The following STX7 variants were observed in gnomAD, a reference collection of about 807,000 sequenced individuals.
STX7 encodes syntaxin-7.
Under a neutral mutation model 39.6 loss-of-function variants are expected in STX7, and 34 were observed. The ratio of observed to expected loss-of-function variants is 0.86; its 90% CI spans 0.65 to 1.14. The LOEUF (loss-of-function observed/expected upper bound fraction) is 1.14. Ranked by LOEUF, STX7 falls within the 50% of genes most tolerant of loss-of-function variation. The probability of loss-of-function intolerance (pLI) is 0.00; values close to 1 mark genes in which losing one functional copy is unlikely to be tolerated. For synonymous variants in STX7, 119 were observed against 99.1 expected (o/e 1.20, Z -1.19); for missense variants, 284 against 310.4 (o/e 0.92, Z 0.64).
intron 2 of STX7, among the ~76,000 whole-genome samples, chr6:132,476,136 C>T (rs1416391): frequency 0.27 from 40,619 of 151,974 alleles, 6,301 homozygotes; most frequent in African/African-American, 0.44. Flanking sequence ...TCAAAAAATG[C>T]TAAAATCACA....
chr6:132,481,236 T>G (rs1056063152), intron 2 of STX7, among the ~76,000 whole-genome samples: 1 of 152,194 alleles, frequency 6.6e-6, no homozygotes, highest in Non-Finnish European at 1.5e-5. Flanking sequence ...GAAATTTATT[T>G]TGGGCCACCT....
intron 2 of STX7, among the ~76,000 whole-genome samples, chr6:132,489,636 C>G (rs935045036): frequency 1.1e-4 from 16 of 152,188 alleles, no homozygotes; most frequent in African/African-American, 3.9e-4. Flanking sequence ...GAAGGATCTT[C>G]TAAAGGATGA....
intron 2 of STX7, among the ~76,000 whole-genome samples, chr6:132,494,749 G>A (rs983774625): frequency 6.6e-6 from 1 of 152,174 alleles, no homozygotes; most frequent in African/African-American, 2.4e-5. Context: ...GTGGGGCATG[G>A]TGGGGATTTA....
chr6:132,484,432 A>G (rs1775081392), intron 2 of STX7, among the ~76,000 whole-genome samples: 1 of 152,184 alleles, frequency 6.6e-6, no homozygotes, highest in Admixed American at 6.5e-5. Flanking sequence ...ATCAGGGGCT[A>G]TTAATACATA....
At position 132,454,632 on chromosome 6, in the gene STX7, T is replaced by C. The variant is rs190703017; in HGVS notation, c.*6126A>G. On this transcript the variant is annotated 3_prime_UTR_variant, in exon 10 of 10. Coordinates refer to ENST00000367941, the MANE Select transcript of STX7 (RefSeq NM_003569.3). ...AAAGTATTGGTCACATACTCCATTC[T>C]AGATTTAAAGAAAATTTAAAACAAC... 2.6e-5 allele frequency: 4 copies of C among 152,328 alleles called. No homozygotes were observed. The East Asian group carries it at 7.7e-4, about 29-fold the overall frequency. The allele number at this position is 152,328 out of a possible 1,614,324, so 9.4% of individuals were successfully genotyped here. A position where few individuals can be genotyped will look rare whatever the true frequency, so the allele number is the denominator to read the frequency against.
chr6:132,496,629 G>A (rs947461425), intron 2 of STX7, among the ~76,000 whole-genome samples: 23 of 151,976 alleles, frequency 1.5e-4, no homozygotes, highest in African/African-American at 5.1e-4. Flanking sequence ...GAAGAGTTTC[G>A]GGACTCTTAA....
chr6:132,509,429 C>T (rs940435657), intron 1 of STX7, among the ~76,000 whole-genome samples: 3 of 143,796 alleles, frequency 2.1e-5, no homozygotes, highest in Admixed American at 7.0e-5. Flanking sequence ...TCCAGCCCGG[C>T]GACAGAGCGA....
At chr6:132,461,207 C>T (rs1031921762) in intron 9 of STX7, among the ~76,000 whole-genome samples, 2 of 152,096 alleles carry the variant, frequency 1.3e-5, no homozygotes, top group Non-Finnish European at 2.9e-5. Flanking sequence ...GAACAGCTTA[C>T]GAGCTTAAAC....
At chr6:132,485,168 C>T (rs1478337930) in intron 2 of STX7, among the ~76,000 whole-genome samples, 1 of 152,134 alleles carries the variant, frequency 6.6e-6, no homozygotes, top group African/African-American at 2.4e-5. Flanking sequence ...TTTGCAATTT[C>T]CTCCCTCCTG....
chr6:132,478,315 T>C (rs966933247), intron 2 of STX7, among the ~76,000 whole-genome samples: 2 of 152,304 alleles, frequency 1.3e-5, no homozygotes, highest in South Asian at 4.1e-4. Flanking sequence ...ACATGAATGC[T>C]ATATAAAATT....
chr6:132,469,752 T>A (rs368983246), intron 7 of STX7, among the ~76,000 whole-genome samples, 199 bp downstream of exon 7: 2 of 152,136 alleles, frequency 1.3e-5, no homozygotes, highest in South Asian at 4.1e-4. Flanking sequence ...GGCACAAGAA[T>A]CGCTTGAAGC....
rs1290433990 is a variant in STX7, at chr6:132,456,929, A to T, written c.*3829T>A. On this transcript the variant is annotated 3_prime_UTR_variant, in exon 10 of 10. Transcript: ENST00000367941. ...TTCCTCAGAGGCCACTGCAGACAGA[A>T]GTGTAGGCGGGCAGAGGACATGAGT... The T allele has an allele frequency of 1.3e-5, 2 of 152,328 alleles. No individual in the cohort carries two copies. The highest frequency in any genetic ancestry group is 2.9e-5 in the Non-Finnish European group (2 of 68,094). 9.4% of individuals were successfully genotyped at this position (152,328 alleles called of 1,614,324 possible).
At position 132,476,407 on chromosome 6, in the gene STX7, G is replaced by A. The variant is rs542565772; in HGVS notation, c.86-745C>T. On this transcript the variant is annotated intron_variant, in intron 2 of 9. Coordinates refer to ENST00000367941, the MANE Select transcript of STX7 (RefSeq NM_003569.3). ...CAGTCTAGACTGTGGGACAATCTAC[G>A]AGATAACTTGCCTGGGCATTTAAAG... is the stretch of plus-strand genomic sequence containing the variant. Among the ~76,000 whole-genome samples the A allele has an allele frequency of 6.6e-5, 10 of 152,032 alleles. 1 individual carries two copies. Among genetic ancestry groups the A allele is most frequent in the South Asian group, 2.1e-4 (1 of 4,822 alleles).
intron 9 of STX7, among the ~76,000 whole-genome samples, chr6:132,462,582 G>GGTGTGTGTGTGTGTGTGTGTGTGT (rs71952617): frequency 6.2e-5 from 9 of 144,996 alleles, no homozygotes; most frequent in African/African-American, 1.8e-4. Context: ...CATTTGCAGG[G>GGTGTGTGTGTGTGTGTGTGTGTGT]GTGTGTGTGT....
chr6:132,455,820 T>G lies in STX7; in HGVS notation c.*4938A>C, dbSNP rs1774228937. ...TAAAATTGGTGTATTGATATGGTAT[T>G]TGAATAATGAGAAAATGGGCCAATA... On this transcript the variant is annotated 3_prime_UTR_variant, in exon 10 of 10. Transcript: ENST00000367941. 2 of 152,248 alleles carry G rather than the reference T, an allele frequency of 1.3e-5. No homozygotes were observed. Among genetic ancestry groups the G allele is most frequent in the Non-Finnish European group, 2.9e-5 (2 of 68,034 alleles). 9.4% of individuals were successfully genotyped at this position (152,248 alleles called of 1,614,324 possible). A position where few individuals can be genotyped will look rare whatever the true frequency, so the allele number is the denominator to read the frequency against.
chr6:132,482,947 T>C (rs999247772), intron 2 of STX7, among the ~76,000 whole-genome samples: 1 of 151,960 alleles, frequency 6.6e-6, no homozygotes, highest in African/African-American at 2.4e-5. Flanking sequence ...CTAAGAACTG[T>C]TGCTACAGTT....
rs897292779 is a variant in STX7 at position 132,459,750 on chromosome 6, C to T, written c.*1008G>A. 3 of 152,024 alleles carry T rather than the reference C, an allele frequency of 2.0e-5. No homozygotes were observed. Among genetic ancestry groups the T allele is most frequent in the Admixed American group, 1.3e-4 (2 of 15,268 alleles). The allele number at this position is 152,024 out of a possible 1,614,324, so 9.4% of individuals were successfully genotyped here. ...AAGGGAAGTGAGATAACTGGCAAAC[C>T]TCCAATTGCTTTTTTAATGAAGGAT... On this transcript the variant is annotated 3_prime_UTR_variant, in exon 10 of 10. Coordinates refer to ENST00000367941, the MANE Select transcript of STX7 (RefSeq NM_003569.3).
At chr6:132,491,208 G>A (rs1464714799) in intron 2 of STX7, among the ~76,000 whole-genome samples, 5 of 151,566 alleles carry the variant, frequency 3.3e-5, no homozygotes, top group Admixed American at 2.0e-4. Context: ...CTCACAGCAG[G>A]AGAACATGTT....
intron 2 of STX7, among the ~76,000 whole-genome samples, chr6:132,477,699 C>T (rs549084983): frequency 6.6e-6 from 1 of 152,062 alleles, no homozygotes; most frequent in South Asian, 2.1e-4. Context: ...AATTTGACTA[C>T]ATAAAATAAC....
Sources: gnomAD v4.1 joint callset for allele counts (sites outside exome capture counted in the v4.1 genomes callset) on GRCh38, gnomAD v4.1.1 for gene constraint, MANE v1.5 for transcripts, NCBI Gene and HGNC (gene_info 2026-07-23, HGNC 2026-07-21) for gene names.